The following ZPLD1 variants were observed in gnomAD, a reference collection of about 807,000 sequenced individuals.
The protein encoded by ZPLD1 is zona pellucida like domain containing 1.
In ZPLD1, 34 loss-of-function variants were observed where a neutral mutation model predicts 47.2. That is an observed-to-expected ratio of 0.72 (90% CI 0.55 to 0.96). ZPLD1 has a LOEUF of 0.96. ZPLD1 is among the 40% of genes least tolerant of loss of function. The pLI is 0.00. For synonymous variants in ZPLD1, 176 were observed against 186.2 expected, an observed-to-expected ratio of 0.95 and a Z score of 0.45; for missense variants, 512 against 505.8, an observed-to-expected ratio of 1.01 and a Z score of -0.12.
In ZPLD1 at chr3:102,452,896, T is replaced by G. The variant is rs548297850; in HGVS notation, c.107-23T>G. On this transcript the variant is annotated intron_variant, in intron 3 of 11. Transcript: ENST00000466937. The stretch of plus-strand genomic sequence containing the variant: ...TTTCTGCTTTTCTGACTTATGTTTG[T>G]TTTTTATATATTTTTATTTCAGCTG... 4 of 1,608,204 alleles carry G rather than the reference T, an allele frequency of 2.5e-6. No homozygotes were observed. The Admixed American group carries it at 6.7e-5, about 27-fold the overall frequency.
chr3:102,443,224 AAT>A lies in ZPLD1; in HGVS notation c.106+4634_106+4635del, dbSNP rs200375344. Among the ~76,000 whole-genome samples the A allele has an allele frequency of 5.6e-4, 85 of 152,292 alleles. No individual in the cohort carries two copies. In the East Asian group the frequency reaches 0.012, roughly 21 times the overall value. On this transcript the variant is annotated intron_variant, in intron 3 of 11. Coordinates refer to ENST00000466937, the MANE Select transcript of ZPLD1 (RefSeq NM_001329788.2). ...TGAACTAAGTAGTCATGGGAAACTG[AAT>A]ATGAGTCAGTGTTTCATAACATGTG...
chr3:102,458,197 A>T (rs1707449003), intron 6 of ZPLD1, among the ~76,000 whole-genome samples: 1 of 151,858 alleles, frequency 6.6e-6, no homozygotes, highest in South Asian at 2.1e-4. Flanking sequence ...GGAAATATAT[A>T]TTTTTTTTAT....
At chr3:102,396,582 G>A (rs756537586) in intron 7 of ZPLD1, among the ~76,000 whole-genome samples, 43 of 152,234 alleles carry the variant, frequency 2.8e-4, no homozygotes, top group Non-Finnish European at 5.6e-4. Context: ...AGGAGATGTG[G>A]TAATACTGTG....
intron 7 of ZPLD1, among the ~76,000 whole-genome samples, chr3:102,400,539 C>A (rs1706608253): frequency 6.6e-6 from 1 of 152,048 alleles, no homozygotes; most frequent in African/African-American, 2.4e-5. Flanking sequence ...CTCAGAAGGG[C>A]TAGCACCATG....
intron 4 of ZPLD1, among the ~76,000 whole-genome samples, chr3:102,454,618 G>A (rs1191033475): frequency 2.6e-5 from 4 of 152,174 alleles, no homozygotes; most frequent in Non-Finnish European, 1.5e-5. Flanking sequence ...CACTTTGTGG[G>A]GCCAAGGTGG....
chr3:102,476,066 T>C (rs894743691), intron 10 of ZPLD1, among the ~76,000 whole-genome samples: 1 of 152,114 alleles, frequency 6.6e-6, no homozygotes, highest in African/African-American at 2.4e-5. Flanking sequence ...ATCTGTAAAA[T>C]GGGGGTAGCA....
At chr3:102,417,363 G>A (rs552976573) in intron 7 of ZPLD1, among the ~76,000 whole-genome samples, 2 of 152,106 alleles carry the variant, frequency 1.3e-5, no homozygotes, top group East Asian at 1.9e-4. Flanking sequence ...CTTGAAAAGT[G>A]TTCGCTGTGG....
At chr3:102,387,541 G>A (rs1706437009) in intron 6 of ZPLD1, among the ~76,000 whole-genome samples, 1 of 151,924 alleles carries the variant, frequency 6.6e-6, no homozygotes, top group Non-Finnish European at 1.5e-5. Flanking sequence ...TTAACAATCA[G>A]GACTGGCTCT....
At chr3:102,426,136 A>G (rs1221177568) in intron 8 of ZPLD1, among the ~76,000 whole-genome samples, 2 of 143,984 alleles carry the variant, frequency 1.4e-5, no homozygotes, top group Admixed American at 6.9e-5. Flanking sequence ...ACACATGCAC[A>G]CACACACACA....
At position 102,469,053 on chromosome 3, in the gene ZPLD1, A is replaced by G. The variant is rs1254846063; in HGVS notation, c.851A>G (p.His284Arg). ...FSFEVFRFVK[H>R]KNQKMSTVFL... ...TTTGAAGTGTTCCGATTTGTGAAAC[A>G]CAAGAATCAGAAAATGTCCACTGTC... is the stretch of plus-strand genomic sequence containing the variant. Residue 284 changes from histidine to arginine, a missense_variant, in exon 9 of 12, where the codon CAC becomes CGC. Physicochemically the swap from His to Arg is conservative, Grantham distance 29 (BLOSUM62 0). Coordinates refer to ENST00000466937, the MANE Select transcript of ZPLD1 (RefSeq NM_001329788.2). 6.2e-7 allele frequency: 1 copy of G among 1,614,068 alleles called. No individual in the cohort carries two copies. Among genetic ancestry groups the G allele is most frequent in the African/African-American group, 1.3e-5 (1 of 74,940 alleles).
In ZPLD1 at chr3:102,477,606, A is replaced by T. The variant is rs1159681116; in HGVS notation, c.1236A>T (p.Pro412=). ...TSLVLNGIRN[P]VFD ...TAGTGTTGAATGGCATAAGAAACCCAGTCTTTGACTGACTATAACAGATTC... is the reference window on the plus strand; with the variant it reads ...TAGTGTTGAATGGCATAAGAAACCCTGTCTTTGACTGACTATAACAGATTC... The change falls in exon 12 of 12, where the codon CCA becomes CCT. Residue 412 remains proline (P), a synonymous_variant. Coordinates refer to ENST00000466937, the MANE Select transcript of ZPLD1 (RefSeq NM_001329788.2). 3 of 1,612,238 alleles carry T rather than the reference A, an allele frequency of 1.9e-6. No individual in the cohort carries two copies. The highest frequency in any genetic ancestry group is 2.5e-6 in the Non-Finnish European group (3 of 1,179,236).
At chr3:102,469,797 A>G (rs1234817218) in intron 9 of ZPLD1, among the ~76,000 whole-genome samples, 1 of 152,228 alleles carries the variant, frequency 6.6e-6, no homozygotes, top group Non-Finnish European at 1.5e-5. Context: ...TCTGTATTGC[A>G]TACAGCCACC....
In ZPLD1 at chr3:102,413,080, C is replaced by T. The variant is rs190202652; in HGVS notation, c.-156-4980C>T. Among the ~76,000 whole-genome samples, 6 of 151,840 alleles carry T rather than the reference C, an allele frequency of 4.0e-5. No individual in the cohort carries two copies. The East Asian group carries it at 1.2e-3, about 30-fold the overall frequency. Reference sequence around the variant, plus strand: ...CTGGTTTGACTTCTGCTAGACTACACCTCAGTCATCTGTCCTTTGGTGTGT... The same window carrying T: ...CTGGTTTGACTTCTGCTAGACTACATCTCAGTCATCTGTCCTTTGGTGTGT... On this transcript the variant is annotated intron_variant, in intron 7 of 17. Coordinates refer to the ZPLD1 transcript ENST00000491959.
intron 3 of ZPLD1, among the ~76,000 whole-genome samples, chr3:102,444,147 A>G (rs576105437): frequency 2.0e-5 from 3 of 152,350 alleles, no homozygotes; most frequent in Admixed American, 1.3e-4. Context: ...TTGTTTTTAT[A>G]AATAAAACCC....
intron 7 of ZPLD1, among the ~76,000 whole-genome samples, chr3:102,416,298 A>G (rs898518986): frequency 6.6e-5 from 10 of 151,932 alleles, no homozygotes; most frequent in Non-Finnish European, 1.3e-4. Context: ...TTAGCTAACC[A>G]ACTTGTAGGG....
chr3:102,469,090 C>T lies in ZPLD1; in HGVS notation c.888C>T (p.Cys296=), dbSNP rs761189693. ...NQKMSTVFLH[C]VTKLCRADDC... ...AAATGTCCACTGTCTTCTTGCACTG[C>T]GTTACCAAGCTCTGCAGAGCAGATG... Residue 296 remains cysteine, a synonymous_variant, in exon 9 of 12, where the codon TGC becomes TGT. Transcript: ENST00000466937. 2.9e-5 allele frequency: 46 copies of T among 1,613,918 alleles called. No individual in the cohort carries two copies. The East Asian group carries it at 6.2e-4, about 22-fold the overall frequency.
chr3:102,396,337 G>A (rs1448803621), intron 7 of ZPLD1, among the ~76,000 whole-genome samples: 1 of 152,122 alleles, frequency 6.6e-6, no homozygotes, highest in Admixed American at 6.6e-5. Context: ...AGACGTTTAA[G>A]TGACAATTGG....
chr3:102,433,223 T>C (rs1460583463), upstream of ZPLD1, among the ~76,000 whole-genome samples: 2 of 152,206 alleles, frequency 1.3e-5, no homozygotes, highest in Non-Finnish European at 2.9e-5. Context: ...TTGCCAAATT[T>C]CCATTTGATT....
At chr3:102,468,193 G>A (rs550836575) in intron 8 of ZPLD1, among the ~76,000 whole-genome samples, 1 of 152,218 alleles carries the variant, frequency 6.6e-6, no homozygotes, top group South Asian at 2.1e-4. Context: ...CTCTGGAGAA[G>A]TAAGCATTGT....
Sources: allele counts gnomAD v4.1 joint callset (sites outside exome capture counted in the v4.1 genomes callset), GRCh38; gene constraint gnomAD v4.1.1; transcripts MANE v1.5; gene names NCBI Gene and HGNC (gene_info 2026-07-23, HGNC 2026-07-21).